Variants in KCTD16 observed in about 807,000 individuals in gnomAD.
KCTD16 encodes potassium channel tetramerization domain containing 16.
A neutral mutation model predicts 33.2 loss-of-function variants in KCTD16; 13 were observed. The observed-to-expected ratio is 0.39, with a 90% CI of 0.25 to 0.62. KCTD16 has a LOEUF of 0.62. Among genes scored for constraint, KCTD16 ranks in the 20% least tolerant of loss-of-function variants. The probability of loss-of-function intolerance (pLI) is 0.50; values close to 1 mark genes in which losing one functional copy is unlikely to be tolerated. For missense variants in KCTD16, 441 were observed against 525.1 expected (o/e 0.84, Z 1.57); for synonymous variants, 197 against 195.3 (o/e 1.01, Z -0.07).
chr5:144,263,596 A>G (rs1396445992), intron 3 of KCTD16, among the ~76,000 whole-genome samples: 3 of 152,236 alleles, frequency 2.0e-5, no homozygotes, highest in Non-Finnish European at 4.4e-5. Context: ...ACATTTAATG[A>G]GTTTTTAAAA....
intron 3 of KCTD16, among the ~76,000 whole-genome samples, chr5:144,280,680 T>C (rs1755574276): frequency 6.6e-6 from 1 of 152,206 alleles, no homozygotes; most frequent in Non-Finnish European, 1.5e-5. Context: ...ATCCCAGCAC[T>C]TCGGGAGGCC....
intron 3 of KCTD16, among the ~76,000 whole-genome samples, chr5:144,329,062 G>A (rs932455083): frequency 6.6e-6 from 1 of 151,996 alleles, no homozygotes; most frequent in Non-Finnish European, 1.5e-5. Flanking sequence ...GCTTTTCAAG[G>A]CAAACTTATT....
chr5:144,314,610 C>G (rs946258920), intron 3 of KCTD16, among the ~76,000 whole-genome samples: 3 of 152,032 alleles, frequency 2.0e-5, no homozygotes, highest in Non-Finnish European at 4.4e-5. Context: ...GCAGGGAGGA[C>G]TGGAGGATGG....
chr5:144,293,610 A>G (rs1755955526), intron 3 of KCTD16, among the ~76,000 whole-genome samples: 1 of 152,234 alleles, frequency 6.6e-6, no homozygotes, highest in Non-Finnish European at 1.5e-5. Context: ...AAAAGCATTC[A>G]TATTAAGCAG....
At chr5:144,199,446 G>A (rs1752999851) in intron 2 of KCTD16, among the ~76,000 whole-genome samples, 1 of 152,212 alleles carries the variant, frequency 6.6e-6, no homozygotes, top group Non-Finnish European at 1.5e-5. Flanking sequence ...GGAGGCAAAG[G>A]TAGGCGTCTT....
intron 3 of KCTD16, among the ~76,000 whole-genome samples, chr5:144,366,740 C>T (rs1467141392): frequency 1.3e-5 from 2 of 152,110 alleles, no homozygotes; most frequent in African/African-American, 4.8e-5. Flanking sequence ...CAAGATCAGC[C>T]ATATATGAGC....
chr5:144,202,657 C>G (rs73792193), intron 2 of KCTD16, among the ~76,000 whole-genome samples: 143 of 152,266 alleles, frequency 9.4e-4, no homozygotes, highest in Middle Eastern at 3.4e-3. Flanking sequence ...ATAGAGTTAG[C>G]AAAGCAAGTG....
intron 2 of KCTD16, among the ~76,000 whole-genome samples, chr5:144,188,436 G>A (rs1752772108): frequency 6.6e-6 from 1 of 152,174 alleles, no homozygotes; most frequent in African/African-American, 2.4e-5. Context: ...TACATCTGGT[G>A]GTAAGCTTTC....
At chr5:144,346,198 T>A (rs1188490439) in intron 3 of KCTD16, among the ~76,000 whole-genome samples, 1 of 152,192 alleles carries the variant, frequency 6.6e-6, no homozygotes, top group African/African-American at 2.4e-5. Context: ...TCCTTCTTTT[T>A]ATGGTTGAAT....
chr5:144,472,984 G>A (rs185478514), intron 3 of KCTD16, among the ~76,000 whole-genome samples: 2 of 152,272 alleles, frequency 1.3e-5, no homozygotes, highest in Non-Finnish European at 2.9e-5. Flanking sequence ...ACAAACTCTG[G>A]CAAGTTTCTC....
chr5:144,301,760 G>A (rs754134532), intron 3 of KCTD16, among the ~76,000 whole-genome samples: 3 of 152,190 alleles, frequency 2.0e-5, no homozygotes, highest in Non-Finnish European at 4.4e-5. Flanking sequence ...TAGCAACCAA[G>A]TGCTCAGCAG....
chr5:144,225,881 C>T (rs1753915865), intron 3 of KCTD16, among the ~76,000 whole-genome samples: 1 of 152,152 alleles, frequency 6.6e-6, no homozygotes, highest in Admixed American at 6.5e-5. Context: ...TTAATAACAG[C>T]TTTCCATTAC....
At chr5:144,326,770 T>A (rs964274873) in intron 3 of KCTD16, among the ~76,000 whole-genome samples, 18 of 152,118 alleles carry the variant, frequency 1.2e-4, no homozygotes, top group African/African-American at 3.4e-4. Context: ...AGGACCTAAT[T>A]CTTTGTCTTT....
chr5:144,465,661 C>T (rs2126996211), intron 3 of KCTD16, among the ~76,000 whole-genome samples: 1 of 152,216 alleles, frequency 6.6e-6, no homozygotes, highest in Middle Eastern at 3.4e-3. Flanking sequence ...CTGGTCAACC[C>T]TCATTCCCTT....
At chr5:144,352,039 CA>C (rs1472344120) in intron 3 of KCTD16, among the ~76,000 whole-genome samples, 2 of 151,954 alleles carry the variant, frequency 1.3e-5, no homozygotes, top group Non-Finnish European at 1.5e-5. Context: ...CTATTCTTAA[CA>C]AAAAAATAAG....
At chr5:144,174,091 G>T (rs138257164) in intron 1 of KCTD16, among the ~76,000 whole-genome samples, 10 of 152,008 alleles carry the variant, frequency 6.6e-5, no homozygotes, top group Non-Finnish European at 4.4e-5. Context: ...TAATAGCTGC[G>T]CAGTCCTTCC....
chr5:144,351,197 T>A (rs1391076594), intron 3 of KCTD16, among the ~76,000 whole-genome samples: 1 of 152,170 alleles, frequency 6.6e-6, no homozygotes, highest in African/African-American at 2.4e-5. Flanking sequence ...CATCTTTCCC[T>A]TTTTTATTCT....
At chr5:144,349,017 C>A (rs1239620018) in intron 3 of KCTD16, among the ~76,000 whole-genome samples, 1 of 152,138 alleles carries the variant, frequency 6.6e-6, no homozygotes, top group Non-Finnish European at 1.5e-5. Context: ...GCTTTCAAAG[C>A]TGGGCTGTGA....
chr5:144,456,699 G>A (rs1034570461), intron 3 of KCTD16, among the ~76,000 whole-genome samples: 3 of 150,876 alleles, frequency 2.0e-5, no homozygotes, highest in South Asian at 2.1e-4. Flanking sequence ...TAGTTGTGTC[G>A]ATCTGGGCTT....
Sources: allele counts gnomAD v4.1 joint callset (sites outside exome capture counted in the v4.1 genomes callset), GRCh38; gene constraint gnomAD v4.1.1; transcripts MANE v1.5; gene names NCBI Gene and HGNC (gene_info 2026-07-23, HGNC 2026-07-21).